Variants in MAT2A observed in about 807,000 individuals in gnomAD.
The protein encoded by MAT2A is S-adenosylmethionine synthase isoform type-2.
Under a neutral mutation model 43.9 loss-of-function variants are expected in MAT2A, and 3 were observed. The observed-to-expected ratio is 0.07, with a 90% CI of 0.03 to 0.18. MAT2A has a LOEUF of 0.18. Ranked by LOEUF, MAT2A falls within the 10% of genes least tolerant of loss-of-function variation. MAT2A has a pLI of 1.00. For missense variants in MAT2A, 204 were observed against 489.0 expected, an observed-to-expected ratio of 0.42 and a Z score of 5.50; for synonymous variants, 200 against 168.4, an observed-to-expected ratio of 1.19 and a Z score of -1.45.
chr2:85,542,877 C>A, intron 7 of MAT2A, 24 bp from the exon 8 acceptor site: 3 of 1,605,660 alleles, frequency 1.9e-6, no homozygotes, highest in Non-Finnish European at 1.7e-6. Context: ...ATCACTGATT[C>A]TTACGACATT....
Position 85,544,450 on chromosome 2 carries a change from A to G in MAT2A, c.*678A>G, listed in dbSNP as rs771181010. On this transcript the variant is annotated 3_prime_UTR_variant, in exon 9 of 9. Transcript: ENST00000306434. Reference sequence around the variant, plus strand: ...TGCCACCTCTAACAGCACCAAATCAAAATCTCTCCACTTTCAGCTGTCTTT... The same window carrying G: ...TGCCACCTCTAACAGCACCAAATCAGAATCTCTCCACTTTCAGCTGTCTTT... 1 of 152,616 alleles carries G rather than the reference A, an allele frequency of 6.6e-6. No homozygotes were observed. Among genetic ancestry groups the G allele is most frequent in the Non-Finnish European group, 1.5e-5 (1 of 68,042 alleles). 9.5% of individuals were successfully genotyped at this position (152,616 alleles called of 1,614,324 possible).
chr2:85,543,536 T>C, intron 8 of MAT2A, 134 bp from the exon 9 acceptor site: 3 of 625,588 alleles, frequency 4.8e-6, no homozygotes, highest in Non-Finnish European at 8.6e-6. Flanking sequence ...GAAGTAACAC[T>C]TTTGCCACAA....
In MAT2A at chr2:85,542,401, G is replaced by A. The variant is rs749772574; in HGVS notation, c.768+28G>A. On this transcript the variant is annotated intron_variant, in intron 6 of 8. Coordinates refer to ENST00000306434, the MANE Select transcript of MAT2A (RefSeq NM_005911.6). ...AATGTCATTTTGTTGCATTTTTCTG[G>A]ATTTTTGATGGTTACTTAAAATTTT... is the stretch of plus-strand genomic sequence containing the variant. 4.4e-6 allele frequency: 7 copies of A among 1,601,762 alleles called. No individual in the cohort carries two copies. The South Asian group carries it at 4.4e-5, about 10-fold the overall frequency.
At position 85,542,266 on chromosome 2, in the gene MAT2A, G is replaced by C; in HGVS notation, c.661G>C (p.Ala221Pro). The change falls in exon 6 of 9, where the codon GCC becomes CCC. Residue 221 changes from alanine (A) to proline (P), a missense_variant. Transcript: ENST00000306434. ...GGTTTGTCTTGATGAAATGAGGGAT[G>C]CCCTAAAGGAGAAAGTCATCAAAGC... ...EEVCLDEMRD[A>P]LKEKVIKAVV... 2 of 1,614,030 alleles carry C rather than the reference G, an allele frequency of 1.2e-6. No individual in the cohort carries two copies. Among genetic ancestry groups the C allele is most frequent in the Non-Finnish European group, 1.7e-6 (2 of 1,179,892 alleles).
rs1691520306 is a variant in MAT2A, at chr2:85,543,090, T to C, written c.1085+56T>C. 1.9e-6 allele frequency: 3 copies of C among 1,577,120 alleles called. No individual in the cohort carries two copies. The African/African-American group carries it at 4.1e-5, about 21-fold the overall frequency. On this transcript the variant is annotated intron_variant, in intron 8 of 8. Transcript: ENST00000306434. ...GTATTGAGGGTGTTGGGTGTGTGTG[T>C]ATATACTTAAGGCTGAGGAGGTGAA...
Position 85,541,462 on chromosome 2 carries a change from A to G in MAT2A, c.292+85A>G, listed in dbSNP as rs191741742. The G allele has an allele frequency of 8.3e-5, 125 of 1,511,176 alleles. No homozygotes were observed. The African/African-American group carries it at 1.0e-3, about 12-fold the overall frequency. 93.6% of individuals were successfully genotyped at this position (1,511,176 alleles called of 1,614,324 possible). A position where few individuals can be genotyped will look rare whatever the true frequency, so the allele number is the denominator to read the frequency against. ...CTCCTAGAATGTTCCTGCTAATCCTAAACTCCAGTTGTATCTTACTATACA... is the reference window on the plus strand; with the variant it reads ...CTCCTAGAATGTTCCTGCTAATCCTGAACTCCAGTTGTATCTTACTATACA... On this transcript the variant is annotated intron_variant, in intron 3 of 8. Transcript: ENST00000306434.
chr2:85,542,965 A>G lies in MAT2A; in HGVS notation c.1016A>G (p.Gln339Arg). The G allele has an allele frequency of 6.2e-7, 1 of 1,613,724 alleles. No individual in the cohort carries two copies. The highest frequency in any genetic ancestry group is 8.5e-7 in the Non-Finnish European group (1 of 1,179,910). The change falls in exon 8 of 9, where the codon CAG becomes CGG. Residue 339 changes from glutamine (Q) to arginine (R), a missense_variant. Around this residue, in one of 6 missense-constraint regions of MAT2A, gnomAD observed 45 missense variants for 106.8 expected, o/e 0.42. Coordinates refer to ENST00000306434, the MANE Select transcript of MAT2A (RefSeq NM_005911.6). ...TCCATTTTCCATTATGGTACCTCTC[A>G]GAAGAGTGAGAGAGAGCTATTAGAG... ...SISIFHYGTS[Q>R]KSERELLEIV...
chr2:85,539,598 C>T (rs1021698608), intron 1 of MAT2A: 8 of 431,566 alleles, frequency 1.9e-5, no homozygotes, highest in African/African-American at 4.2e-5. Context: ...CTTCCCCCCT[C>T]CCTTTTCATT....
Position 85,539,229 on chromosome 2 carries a change from A to C in MAT2A, c.-59A>C. 3 of 1,276,528 alleles carry C rather than the reference A, an allele frequency of 2.4e-6. No homozygotes were observed. The highest frequency in any genetic ancestry group is 3.3e-6 in the Non-Finnish European group (3 of 899,124). The allele number at this position is 1,276,528 out of a possible 1,614,324, so 79.1% of individuals were successfully genotyped here. ...GCTGTCCGCAGCTTGCGCATTTCGC[A>C]GCCGCTGCCGCCTCGCCGCTGCTCC... is the stretch of plus-strand genomic sequence containing the variant. On this transcript the variant is annotated 5_prime_UTR_variant, in exon 1 of 9. Coordinates refer to ENST00000306434, the MANE Select transcript of MAT2A (RefSeq NM_005911.6).
chr2:85,543,510 G>T (rs561042422), intron 8 of MAT2A, 160 bp from the exon 9 acceptor site: 1 of 598,968 alleles, frequency 1.7e-6, no homozygotes, highest in Non-Finnish European at 3.0e-6. Flanking sequence ...ACTGTGCAAG[G>T]AGTTTGGACA....
intron 6 of MAT2A, 43 bp from the exon 7 acceptor site, chr2:85,542,522 G>C (rs1440172663): frequency 6.3e-7 from 1 of 1,577,664 alleles, no homozygotes; most frequent in Non-Finnish European, 8.7e-7. Flanking sequence ...TAATCCACTT[G>C]GAAAGCACTA....
At chr2:85,543,128 G>A in intron 8 of MAT2A, 94 bp downstream of exon 8, 3 of 1,279,684 alleles carry the variant, frequency 2.3e-6, no homozygotes, top group Non-Finnish European at 3.3e-6. Context: ...TGTGAAGGAA[G>A]ACTCCTCAAA....
chr2:85,540,181 T>G (rs1284858695), intron 1 of MAT2A, among the ~76,000 whole-genome samples: 1 of 152,218 alleles, frequency 6.6e-6, no homozygotes, highest in Admixed American at 6.5e-5. Flanking sequence ...GGGGATCAAT[T>G]GGCACGTGAA....
chr2:85,542,504 A>G, intron 6 of MAT2A, 61 bp from the exon 7 acceptor site: 1 of 1,547,646 alleles, frequency 6.5e-7, no homozygotes. Flanking sequence ...AATTCAGAAT[A>G]GGCAACCTAA....
chr2:85,542,906 T>C lies in MAT2A; in HGVS notation c.957T>C (p.Ser319=), dbSNP rs759616701. The change falls in exon 8 of 9, where the codon TCT becomes TCC. Residue 319 remains serine, a synonymous_variant. Coordinates refer to ENST00000306434, the MANE Select transcript of MAT2A (RefSeq NM_005911.6). ...CGACATTTGAATCCTTTTAGGTCTC[T>C]TATGCTATTGGAGTTTCTCATCCAT... ...GLCRRVLVQV[S]YAIGVSHPLS... is the part of the protein sequence containing the mutation. 1 of 1,613,062 alleles carries C rather than the reference T, an allele frequency of 6.2e-7. No homozygotes were observed. Among genetic ancestry groups the C allele is most frequent in the Admixed American group, 1.7e-5 (1 of 59,762 alleles).
rs1691594122 is a variant in MAT2A at position 85,545,145 on chromosome 2, A to G, written c.*1373A>G. 6.5e-6 allele frequency: 1 copy of G among 152,734 alleles called. No homozygotes were observed. The highest frequency in any genetic ancestry group is 1.9e-4 in the East Asian group (1 of 5,174). 9.5% of individuals were successfully genotyped at this position (152,734 alleles called of 1,614,324 possible). ...GGTACAGAGAAGCCAGCTTGTTTAC[A>G]TGCTTATTCCATGACTGCTTGCCCT... On this transcript the variant is annotated 3_prime_UTR_variant, in exon 9 of 9. Transcript: ENST00000306434.
chr2:85,542,032 A>G (rs1458855864), intron 5 of MAT2A, 60 bp downstream of exon 5: 5 of 1,596,302 alleles, frequency 3.1e-6, no homozygotes, highest in Non-Finnish European at 4.3e-6. Flanking sequence ...GAAGATCCAT[A>G]ATTTTGATAA....
chr2:85,543,736 C>T lies in MAT2A; in HGVS notation c.1152C>T (p.Ser384=), dbSNP rs747959376. The T allele has an allele frequency of 1.9e-5, 31 of 1,612,032 alleles. No homozygotes were observed. Among genetic ancestry groups the T allele is most frequent in the Non-Finnish European group, 2.5e-5 (30 of 1,178,944 alleles). ...TAAYGHFGRD[S]FPWEVPKKLK... is the part of the protein sequence containing the mutation. ...CCTATGGCCACTTTGGTAGGGACAG[C>T]TTCCCATGGGAAGTGCCCAAAAAGC... Residue 384 remains serine, a synonymous_variant, in exon 9 of 9, where the codon AGC becomes AGT. Coordinates refer to ENST00000306434, the MANE Select transcript of MAT2A (RefSeq NM_005911.6).
Position 85,539,397 on chromosome 2 carries a change from G to A in MAT2A, c.91+19G>A, listed in dbSNP as rs1192760838. The A allele has an allele frequency of 2.5e-6, 4 of 1,584,890 alleles. No individual in the cohort carries two copies. The highest frequency in any genetic ancestry group is 3.4e-6 in the Non-Finnish European group (4 of 1,164,868). ...CACCCAGGTGAGGGGACGGCCTGAA[G>A]CGAAGCGTGGGGCGGGGCAGAAGGC... is the stretch of plus-strand genomic sequence containing the variant. On this transcript the variant is annotated intron_variant, in intron 1 of 8. Coordinates refer to ENST00000306434, the MANE Select transcript of MAT2A (RefSeq NM_005911.6).
Sources: gnomAD v4.1 joint callset for allele counts (sites outside exome capture counted in the v4.1 genomes callset) on GRCh38, gnomAD v4.1.1 for gene constraint, gnomAD v4.1.1 regional missense constraint, MANE v1.5 for transcripts, NCBI Gene and HGNC (gene_info 2026-07-23, HGNC 2026-07-21) for gene names.